MYOZ2: variants seen among roughly 807,000 people sequenced by gnomAD.
MYOZ2 encodes the protein myozenin 2.
MYOZ2 carries 19 observed loss-of-function variants against 25.4 expected under a neutral mutation model. That is an observed-to-expected ratio of 0.75 (90% CI 0.52 to 1.10). The LOEUF (loss-of-function observed/expected upper bound fraction) is 1.10. Among genes scored for constraint, MYOZ2 ranks in the 50% least tolerant of loss-of-function variants. The pLI is 0.00. For synonymous variants in MYOZ2, 92 were observed against 106.9 expected (o/e 0.86, Z 0.86); for missense variants, 270 against 317.9 (o/e 0.85, Z 1.15).
chr4:119,149,969 A>G (rs1367514961), intron 2 of MYOZ2, among the ~76,000 whole-genome samples: 2 of 152,120 alleles, frequency 1.3e-5, no homozygotes, highest in African/African-American at 4.8e-5. Context: ...ATAATTATTT[A>G]TTTTCCTAAT....
chr4:119,146,406 A>C (rs978805231), intron 2 of MYOZ2, among the ~76,000 whole-genome samples: 2 of 151,934 alleles, frequency 1.3e-5, no homozygotes, highest in Admixed American at 1.3e-4. Context: ...TGTTTCCCAT[A>C]AATTTTGATA....
At chr4:119,166,321 G>A (rs545108601) in intron 5 of MYOZ2, among the ~76,000 whole-genome samples, 59 of 152,164 alleles carry the variant, frequency 3.9e-4, no homozygotes, top group African/African-American at 1.4e-3. Context: ...GTACATGCCT[G>A]TAATCCCAGC....
chr4:119,147,556 C>T (rs1187626964), intron 2 of MYOZ2, among the ~76,000 whole-genome samples: 3 of 151,914 alleles, frequency 2.0e-5, no homozygotes, highest in Non-Finnish European at 4.4e-5. Context: ...GCCTGGCCAA[C>T]GTGGAGAAAC....
chr4:119,156,202 G>A (rs1023049491), intron 3 of MYOZ2, among the ~76,000 whole-genome samples: 6 of 151,858 alleles, frequency 4.0e-5, no homozygotes, highest in Non-Finnish European at 7.4e-5. Context: ...CGACAGAGCC[G>A]ACCATGGTAA....
chr4:119,136,399 C>A (rs767087022), intron 1 of MYOZ2, 113 bp from the exon 2 acceptor site: 16 of 929,134 alleles, frequency 1.7e-5, no homozygotes, highest in Non-Finnish European at 2.5e-5. Context: ...CAGTAGCAAG[C>A]GATAATAACT....
chr4:119,186,290 A>T lies in MYOZ2; in HGVS notation c.*90A>T, dbSNP rs147558994. 8.4e-4 allele frequency: 826 copies of T among 982,934 alleles called. 10 individuals are homozygous for T. In the East Asian group the frequency reaches 0.016, roughly 19 times the overall value. 60.9% of individuals were successfully genotyped at this position (982,934 alleles called of 1,614,324 possible). On this transcript the variant is annotated 3_prime_UTR_variant, in exon 6 of 6. Coordinates refer to ENST00000307128, the MANE Select transcript of MYOZ2 (RefSeq NM_016599.5). ...ACTGGCAAAGCCACTTGCATTTTTC[A>T]TTAGTAGCAACAATAGCAATTTAGT...
At position 119,136,523 on chromosome 4, in the gene MYOZ2, A is replaced by C. The variant is rs372377840; in HGVS notation, c.-3A>C. On this transcript the variant is annotated 5_prime_UTR_variant, in exon 2 of 6. Coordinates refer to ENST00000307128, the MANE Select transcript of MYOZ2 (RefSeq NM_016599.5). ...TTTGTTTTTAACAGGGAACAAAAAA[A>C]CCATGCTATCACATAATACTATGAT... is the stretch of plus-strand genomic sequence containing the variant. 6.2e-7 allele frequency: 1 copy of C among 1,613,284 alleles called. No individual in the cohort carries two copies. The highest frequency in any genetic ancestry group is 1.3e-5 in the African/African-American group (1 of 75,022).
At chr4:119,182,870 T>C (rs1742213415) in intron 5 of MYOZ2, among the ~76,000 whole-genome samples, 2 of 152,192 alleles carry the variant, frequency 1.3e-5, no homozygotes, top group African/African-American at 4.8e-5. Context: ...AAATTGAATA[T>C]GACTTTCCTT....
At chr4:119,161,403 G>A (rs1040545566) in intron 4 of MYOZ2, among the ~76,000 whole-genome samples, 1 of 151,914 alleles carries the variant, frequency 6.6e-6, no homozygotes, top group African/African-American at 2.4e-5. Flanking sequence ...ATAGTGATTA[G>A]CCAACTATGT....
chr4:119,187,512 CTTG>C lies in MYOZ2; in HGVS notation c.*1315_*1317del, dbSNP rs1338417524. Reference sequence around the variant, plus strand: ...GTGACTGTTTTAATCATCATCTAGACTTGTTAAGTAGAAAAATTTTAAAAATTT... The same window carrying C: ...GTGACTGTTTTAATCATCATCTAGACTTAAGTAGAAAAATTTTAAAAATTT... On this transcript the variant is annotated 3_prime_UTR_variant, in exon 6 of 6. Coordinates refer to ENST00000307128, the MANE Select transcript of MYOZ2 (RefSeq NM_016599.5). 1 of 151,962 alleles carries C rather than the reference CTTG, an allele frequency of 6.6e-6. No homozygotes were observed. Among genetic ancestry groups the C allele is most frequent in the East Asian group, 1.9e-4 (1 of 5,198 alleles). 9.4% of individuals were successfully genotyped at this position (151,962 alleles called of 1,614,324 possible). A position where few individuals can be genotyped will look rare whatever the true frequency, so the allele number is the denominator to read the frequency against.
chr4:119,150,529 T>G (rs770702481), intron 2 of MYOZ2, among the ~76,000 whole-genome samples: 1 of 151,414 alleles, frequency 6.6e-6, no homozygotes, highest in Non-Finnish European at 1.5e-5. Context: ...AGTTTATGAA[T>G]GTAACTATGA....
At chr4:119,154,445 T>C (rs2149222410) in intron 3 of MYOZ2, among the ~76,000 whole-genome samples, 1 of 152,304 alleles carries the variant, frequency 6.6e-6, no homozygotes, top group South Asian at 2.1e-4. Flanking sequence ...TATAAGGCTC[T>C]GCTTATTTTC....
At chr4:119,145,764 G>A (rs891362154) in intron 2 of MYOZ2, among the ~76,000 whole-genome samples, 1 of 151,968 alleles carries the variant, frequency 6.6e-6, no homozygotes, top group Admixed American at 6.6e-5. Flanking sequence ...TCTATTTTGG[G>A]GCAGAGATTA....
At chr4:119,137,972 C>G (rs1741069024) in intron 2 of MYOZ2, among the ~76,000 whole-genome samples, 1 of 152,126 alleles carries the variant, frequency 6.6e-6, no homozygotes, top group Non-Finnish European at 1.5e-5. Flanking sequence ...ACATCCTAAT[C>G]ATAAAACAGT....
chr4:119,145,008 T>G (rs867705866), intron 2 of MYOZ2, among the ~76,000 whole-genome samples: 1 of 152,198 alleles, frequency 6.6e-6, no homozygotes, highest in Non-Finnish European at 1.5e-5. Flanking sequence ...GTTTAGCAAC[T>G]CTTTGCCTAG....
rs757333467 is a variant in MYOZ2 at position 119,158,060 on chromosome 4, T to C, written c.285T>C (p.Ser95=). Residue 95 remains serine (S), a synonymous_variant, in exon 4 of 6, where the codon AGT becomes AGC. Coordinates refer to ENST00000307128, the MANE Select transcript of MYOZ2 (RefSeq NM_016599.5). ...IAMQNGKVDG[S]NLEGGSQQAP... is the part of the protein sequence containing the mutation. ...TGCAGAATGGGAAAGTGGATGGAAGTAACTTGGAAGGTGGTTCGCAGCAAG... is the reference window on the plus strand; with the variant it reads ...TGCAGAATGGGAAAGTGGATGGAAGCAACTTGGAAGGTGGTTCGCAGCAAG... The C allele has an allele frequency of 6.2e-7, 1 of 1,614,002 alleles. No homozygotes were observed. Among genetic ancestry groups the C allele is most frequent in the Non-Finnish European group, 8.5e-7 (1 of 1,179,958 alleles).
chr4:119,146,592 TC>T (rs1741306758), intron 2 of MYOZ2, among the ~76,000 whole-genome samples: 1 of 152,190 alleles, frequency 6.6e-6, no homozygotes, highest in Non-Finnish European at 1.5e-5. Flanking sequence ...GCGCTAACAA[TC>T]TGAATAATTT....
At chr4:119,143,455 A>G (rs1374699034) in intron 2 of MYOZ2, among the ~76,000 whole-genome samples, 1 of 152,152 alleles carries the variant, frequency 6.6e-6, no homozygotes, top group Non-Finnish European at 1.5e-5. Flanking sequence ...GGGCCTCCCA[A>G]AGTGCTGGGA....
At position 119,135,915 on chromosome 4, in the gene MYOZ2, C is replaced by T. The variant is rs1246940121; in HGVS notation, c.-82C>T. 6.2e-6 allele frequency: 1 copy of T among 160,468 alleles called. No homozygotes were observed. The highest frequency in any genetic ancestry group is 1.4e-5 in the Non-Finnish European group (1 of 73,248). 9.9% of individuals were successfully genotyped at this position (160,468 alleles called of 1,614,324 possible). On this transcript the variant is annotated 5_prime_UTR_variant, in exon 1 of 6. Coordinates refer to ENST00000307128, the MANE Select transcript of MYOZ2 (RefSeq NM_016599.5). ...ATCAGGCCCAAGTGCCATCCATAGT[C>T]CATCTCCAGAGTCTTCCTCCACAAA...
Sources: allele counts gnomAD v4.1 joint callset (sites outside exome capture counted in the v4.1 genomes callset), GRCh38; gene constraint gnomAD v4.1.1; transcripts MANE v1.5; gene names NCBI Gene and HGNC (gene_info 2026-07-23, HGNC 2026-07-21).